Variants in FRMD6 observed in about 807,000 individuals in gnomAD.
FRMD6 encodes FERM domain containing 6, also known as FERM domain-containing protein 6.
Under a neutral mutation model 73.2 loss-of-function variants are expected in FRMD6, and 37 were observed. That is an observed-to-expected ratio of 0.51 (90% CI 0.39 to 0.66). FRMD6 has a LOEUF of 0.66. Among genes scored for constraint, FRMD6 ranks in the 30% least tolerant of loss-of-function variants. FRMD6 has a pLI of 0.00. For missense variants in FRMD6, 714 were observed against 780.5 expected (o/e 0.91, Z 1.02); for synonymous variants, 273 against 282.2 (o/e 0.97, Z 0.33).
At chr14:51,400,587 CTT>C in the FRMD6 span, among the ~76,000 whole-genome samples, 2 of 152,112 alleles carry the variant, frequency 1.3e-5, no homozygotes, top group African/African-American at 2.4e-5. Context: ...AAAAATCTCT[CTT>C]TTGTAATTCC....
chr14:51,441,529 A>G, the FRMD6 span, among the ~76,000 whole-genome samples: 1 of 152,164 alleles, frequency 6.6e-6, no homozygotes, highest in Non-Finnish European at 1.5e-5. Flanking sequence ...AAACTTTTAT[A>G]TGTCTTTTGG....
At chr14:51,641,517 G>A (rs1198673833) in intron 2 of FRMD6, among the ~76,000 whole-genome samples, 2 of 152,092 alleles carry the variant, frequency 1.3e-5, no homozygotes, top group African/African-American at 2.4e-5. Flanking sequence ...TGTACTGAAC[G>A]TCTTGGGGCT....
chr14:51,550,380 A>G (rs1470332775), intron 1 of FRMD6, among the ~76,000 whole-genome samples: 3 of 152,060 alleles, frequency 2.0e-5, no homozygotes, highest in African/African-American at 7.2e-5. Context: ...TCTTTTTATC[A>G]TTGGCTCATT....
At position 51,720,319 on chromosome 14, in the gene FRMD6, A is replaced by G. The variant is rs770013748; in HGVS notation, c.1289A>G (p.His430Arg). 5.0e-6 allele frequency: 8 copies of G among 1,614,024 alleles called. No individual in the cohort carries two copies. The South Asian group carries it at 8.8e-5, about 18-fold the overall frequency. ...KLKTCSSMTS[H>R]GSSHTSGVES... Reference sequence around the variant, plus strand: ...AAAACCTGCAGCTCAATGACCAGTCATGGCAGCTCCCACACCTCAGGGGTG... The same window carrying G: ...AAAACCTGCAGCTCAATGACCAGTCGTGGCAGCTCCCACACCTCAGGGGTG... Residue 430 changes from histidine to arginine, a missense_variant, in exon 11 of 14, where the codon CAT becomes CGT. His to Arg is a conservative substitution (Grantham distance 29). Coordinates refer to ENST00000344768, the MANE Select transcript of FRMD6 (RefSeq NM_001267046.2).
At chr14:51,508,664 G>A (rs190196983) in intron 1 of FRMD6, among the ~76,000 whole-genome samples, 4 of 152,290 alleles carry the variant, frequency 2.6e-5, no homozygotes, top group Admixed American at 1.3e-4. Flanking sequence ...GCTGTAGCCC[G>A]ACTGGAAAAT....
chr14:51,529,936 G>A (rs938232533), intron 1 of FRMD6, among the ~76,000 whole-genome samples: 8 of 152,168 alleles, frequency 5.3e-5, no homozygotes, highest in Non-Finnish European at 8.8e-5. Context: ...CTCATTCCCA[G>A]CTTTGTGATA....
chr14:51,643,182 G>A (rs995680798), intron 2 of FRMD6, among the ~76,000 whole-genome samples: 2 of 152,206 alleles, frequency 1.3e-5, no homozygotes, highest in Non-Finnish European at 2.9e-5. Context: ...GGGCTGTTGT[G>A]AAGATTCAAC....
the FRMD6 span, among the ~76,000 whole-genome samples, chr14:51,467,543 CG>C: frequency 6.6e-6 from 1 of 151,414 alleles, no homozygotes; most frequent in Non-Finnish European, 1.5e-5. Flanking sequence ...AAGGGGCGGC[CG>C]GGCAGAGGCG....
intron 1 of FRMD6, among the ~76,000 whole-genome samples, chr14:51,536,065 T>G (rs1311029143): frequency 8.2e-5 from 10 of 122,392 alleles, no homozygotes; most frequent in Non-Finnish European, 3.2e-5. Flanking sequence ...TTGCATTATA[T>G]TATATATATA....
chr14:51,572,738 T>C (rs1440146191), intron 2 of FRMD6, among the ~76,000 whole-genome samples: 1 of 152,212 alleles, frequency 6.6e-6, no homozygotes, highest in Non-Finnish European at 1.5e-5. Flanking sequence ...AACGAATGCC[T>C]AAGATGGTTG....
At chr14:51,697,744 TA>T (rs1305553027) in intron 2 of FRMD6, among the ~76,000 whole-genome samples, 1 of 152,156 alleles carries the variant, frequency 6.6e-6, no homozygotes, top group East Asian at 1.9e-4. Context: ...CATAAATATA[TA>T]CAATTTTATT....
chr14:51,435,450 C>T, the FRMD6 span, among the ~76,000 whole-genome samples: 2 of 148,026 alleles, frequency 1.4e-5, no homozygotes, highest in African/African-American at 2.5e-5. Context: ...GAAGTGTAAA[C>T]ATTAAAAAGA....
At chr14:51,517,185 T>A (rs1247177737) in intron 1 of FRMD6, among the ~76,000 whole-genome samples, 1 of 152,218 alleles carries the variant, frequency 6.6e-6, no homozygotes, top group Non-Finnish European at 1.5e-5. Context: ...AATCTGTAAT[T>A]GACATACTCC....
chr14:51,537,779 T>C (rs1249262389), intron 1 of FRMD6, among the ~76,000 whole-genome samples: 1 of 152,260 alleles, frequency 6.6e-6, no homozygotes, highest in Non-Finnish European at 1.5e-5. Flanking sequence ...TCTTTTCATA[T>C]GCTCACTTGT....
chr14:51,458,334 A>C, the FRMD6 span, among the ~76,000 whole-genome samples: 2 of 152,182 alleles, frequency 1.3e-5, no homozygotes, highest in African/African-American at 4.8e-5. Context: ...AGATTTTCAC[A>C]GTAAATTGCA....
At chr14:51,645,440 C>T (rs1224875926) in intron 2 of FRMD6, among the ~76,000 whole-genome samples, 2 of 151,712 alleles carry the variant, frequency 1.3e-5, no homozygotes, top group Non-Finnish European at 2.9e-5. Context: ...TTTTTTTCTT[C>T]TTCTTCTTGA....
chr14:51,661,122 G>A (rs1893193341), intron 1 of FRMD6, among the ~76,000 whole-genome samples: 1 of 152,170 alleles, frequency 6.6e-6, no homozygotes, highest in Non-Finnish European at 1.5e-5. Context: ...CATTTTAATA[G>A]AATCACTGGT....
the FRMD6 span, among the ~76,000 whole-genome samples, chr14:51,472,440 A>G: frequency 1.3e-5 from 2 of 152,094 alleles, no homozygotes. Flanking sequence ...AGTGGCTGGG[A>G]CTACAGGCAC....
chr14:51,467,844 C>T, the FRMD6 span, among the ~76,000 whole-genome samples: 3 of 150,912 alleles, frequency 2.0e-5, no homozygotes, highest in East Asian at 4.0e-4. Context: ...ACATCCCAGA[C>T]GATGGGCGGC....
Sources: allele counts gnomAD v4.1 joint callset (sites outside exome capture counted in the v4.1 genomes callset), GRCh38; gene constraint gnomAD v4.1.1; transcripts MANE v1.5; gene names NCBI Gene and HGNC (gene_info 2026-07-23, HGNC 2026-07-21).